CDH7: variants seen among roughly 807,000 people sequenced by gnomAD.
CDH7 encodes cadherin 7, also known as cadherin-7.
CDH7 carries 25 observed loss-of-function variants against 71.8 expected under a neutral mutation model. That is an observed-to-expected ratio of 0.35 (90% CI 0.25 to 0.49). The LOEUF is 0.49. CDH7 is among the 20% of genes least tolerant of loss of function. The pLI is 0.99. For missense variants in CDH7, 862 were observed against 974.6 expected, an observed-to-expected ratio of 0.88 and a Z score of 1.54; for synonymous variants, 381 against 363.8, an observed-to-expected ratio of 1.05 and a Z score of -0.54.
At chr18:65,812,331 T>C (rs1911574073) in intron 3 of CDH7, among the ~76,000 whole-genome samples, 1 of 152,140 alleles carries the variant, frequency 6.6e-6, no homozygotes, top group African/African-American at 2.4e-5. Context: ...GGAATTTTCT[T>C]AGAGAATTAT....
chr18:65,860,395 G>C (rs1009307350), intron 10 of CDH7, among the ~76,000 whole-genome samples: 1 of 151,870 alleles, frequency 6.6e-6, no homozygotes, highest in African/African-American at 2.4e-5. Flanking sequence ...CTGCTTCAAA[G>C]GTAAACACTC....
chr18:65,821,973 C>G (rs1378727996), intron 4 of CDH7, 108 bp from the exon 5 acceptor site: 1 of 796,664 alleles, frequency 1.3e-6, no homozygotes, highest in Admixed American at 2.4e-5. Flanking sequence ...GTAAACAAAA[C>G]AACAAAAGGC....
chr18:65,828,488 C>T (rs1294684032), intron 6 of CDH7, among the ~76,000 whole-genome samples: 2 of 151,996 alleles, frequency 1.3e-5, no homozygotes, highest in Non-Finnish European at 2.9e-5. Context: ...GCCTAGAGAT[C>T]TTGAACATTT....
Position 65,849,633 on chromosome 18 carries a change from G to A in CDH7, c.1235+5568G>A, listed in dbSNP as rs142209238. 7.0e-3 allele frequency among the ~76,000 whole-genome samples: 1,054 copies of A among 151,342 alleles called. 14 individuals carry two copies. The highest frequency in any genetic ancestry group is 0.034 in the East Asian group (170 of 5,014). On this transcript the variant is annotated intron_variant, in intron 7 of 11. Coordinates refer to ENST00000397968, the MANE Select transcript of CDH7 (RefSeq NM_004361.5). The stretch of plus-strand genomic sequence containing the variant: ...TCACCATGTTGGCCAGGCTTGCCTC[G>A]AACTCCTGACCTCAGGTGATCCATC...
chr18:65,801,201 T>A (rs1229657376), intron 2 of CDH7, among the ~76,000 whole-genome samples: 1 of 152,152 alleles, frequency 6.6e-6, no homozygotes, highest in African/African-American at 2.4e-5. Flanking sequence ...TAGTAGATAG[T>A]CCATAGTTAT....
At chr18:65,859,599 A>C (rs1328967191) in intron 9 of CDH7, 109 bp from the exon 10 acceptor site, 1 of 676,430 alleles carries the variant, frequency 1.5e-6, no homozygotes, top group Non-Finnish European at 2.7e-6. Flanking sequence ...TCCCTAGCTC[A>C]TTCAGGGAGA....
intron 2 of CDH7, among the ~76,000 whole-genome samples, chr18:65,788,104 G>A (rs1477440141): frequency 6.6e-6 from 1 of 151,994 alleles, no homozygotes; most frequent in African/African-American, 2.4e-5. Flanking sequence ...AACACACATT[G>A]AAAATAAGCT....
chr18:65,767,089 C>CT (rs35258266), intron 2 of CDH7, among the ~76,000 whole-genome samples: 8,136 of 139,780 alleles, frequency 0.058, 808 homozygotes, highest in African/African-American at 0.2. Flanking sequence ...ATCACTCTTT[C>CT]TTTCTTTTTT....
chr18:65,880,848 G>T lies in CDH7; in HGVS notation c.2312G>T (p.Arg771Leu). The change falls in exon 12 of 12, where the codon CGA (arginine) becomes CTA (leucine). Residue 771 changes from arginine (R) to leucine (L), a missense_variant. By Grantham distance (102) the Arg-to-Leu change is moderately radical (BLOSUM62 -2). Coordinates refer to ENST00000397968, the MANE Select transcript of CDH7 (RefSeq NM_004361.5). The part of the protein sequence containing the change: ...YLSDWGPRFK[R>L]LADMYGTGQE... ...AGTGACTGGGGACCTCGCTTTAAAC[G>T]ACTCGCGGACATGTATGGGACTGGC... The T allele has an allele frequency of 6.2e-7, 1 of 1,613,972 alleles. No individual in the cohort carries two copies. The highest frequency in any genetic ancestry group is 1.1e-5 in the South Asian group (1 of 91,050).
At chr18:65,798,013 A>G (rs778189487) in intron 2 of CDH7, among the ~76,000 whole-genome samples, 1 of 152,192 alleles carries the variant, frequency 6.6e-6, no homozygotes, top group Non-Finnish European at 1.5e-5. Context: ...TAGTCTGAAC[A>G]TCACAGCACT....
chr18:65,847,551 T>C (rs1912976445), intron 7 of CDH7, among the ~76,000 whole-genome samples: 2 of 152,174 alleles, frequency 1.3e-5, no homozygotes, highest in Admixed American at 1.3e-4. Flanking sequence ...TCCTACATGA[T>C]CCCTGCCTTG....
intron 2 of CDH7, among the ~76,000 whole-genome samples, chr18:65,788,010 A>G (rs1056472236): frequency 1.3e-5 from 2 of 152,192 alleles, no homozygotes; most frequent in African/African-American, 4.8e-5. Context: ...ATGTCTTAAA[A>G]TATTAGGCAA....
In CDH7 at chr18:65,887,706, T is replaced by C. The variant is rs533954608; in HGVS notation, c.*6812T>C. 6.6e-6 allele frequency: 1 copy of C among 152,224 alleles called. No homozygotes were observed. The highest frequency in any genetic ancestry group is 1.9e-4 in the East Asian group (1 of 5,172). The allele number at this position is 152,224 out of a possible 1,614,324, so 9.4% of individuals were successfully genotyped here. A position where few individuals can be genotyped will look rare whatever the true frequency, so the allele number is the denominator to read the frequency against. On this transcript the variant is annotated 3_prime_UTR_variant, in exon 12 of 12. Transcript: ENST00000397968. ...TAAATGACTTTTAAATATTTTCTTT[T>C]TAGCTTTTAAGATGTCTATTAGATC...
At chr18:65,779,407 T>C (rs1450366643) in intron 2 of CDH7, among the ~76,000 whole-genome samples, 3 of 112,590 alleles carry the variant, frequency 2.7e-5, no homozygotes, top group South Asian at 7.5e-4. Flanking sequence ...CACCCACTAA[T>C]GTGTCATCTA....
chr18:65,760,474 G>GT (rs1446176509), intron 1 of CDH7, among the ~76,000 whole-genome samples: 15 of 152,290 alleles, frequency 9.8e-5, no homozygotes. Context: ...CTGAAACAAT[G>GT]TTACCACATC....
At chr18:65,855,409 A>C (rs1913318950) in intron 7 of CDH7, among the ~76,000 whole-genome samples, 1 of 151,872 alleles carries the variant, frequency 6.6e-6, no homozygotes, top group African/African-American at 2.4e-5. Context: ...GATGTTACAC[A>C]CCCCGCAAAC....
At chr18:65,782,805 A>G (rs1248555770) in intron 2 of CDH7, among the ~76,000 whole-genome samples, 1 of 152,200 alleles carries the variant, frequency 6.6e-6, no homozygotes, top group Non-Finnish European at 1.5e-5. Context: ...TAATGCCTGG[A>G]AAAGCTCATT....
chr18:65,880,384 C>T lies in CDH7; in HGVS notation c.1865-17C>T. The T allele has an allele frequency of 6.6e-7, 1 of 1,518,574 alleles. No homozygotes were observed. Among genetic ancestry groups the T allele is most frequent in the Non-Finnish European group, 8.8e-7 (1 of 1,137,582 alleles). The allele number at this position is 1,518,574 out of a possible 1,614,324, so 94.1% of individuals were successfully genotyped here. A position where few individuals can be genotyped will look rare whatever the true frequency, so the allele number is the denominator to read the frequency against. The stretch of plus-strand genomic sequence containing the variant: ...GTGAGTTTACTGAAACTTTCTCTTC[C>T]TGTCTTATTGTTTCAGTGTTGATCC... On this transcript the variant is annotated splice_polypyrimidine_tract_variant and intron_variant, in intron 11 of 11. Transcript: ENST00000397968.
rs1000236743 is a variant in CDH7, at chr18:65,889,621, A to G, written c.*8727A>G. 2 of 152,228 alleles carry G rather than the reference A, an allele frequency of 1.3e-5. No individual in the cohort carries two copies. The highest frequency in any genetic ancestry group is 2.9e-5 in the Non-Finnish European group (2 of 68,042). The allele number at this position is 152,228 out of a possible 1,614,324, so 9.4% of individuals were successfully genotyped here. A position where few individuals can be genotyped will look rare whatever the true frequency, so the allele number is the denominator to read the frequency against. ...AAGCTTTGTGTAAAATACAGAATACAACACAAGGAATAATGAAAAGATGAT... is the reference window on the plus strand; with the variant it reads ...AAGCTTTGTGTAAAATACAGAATACGACACAAGGAATAATGAAAAGATGAT... On this transcript the variant is annotated 3_prime_UTR_variant, in exon 12 of 12. Transcript: ENST00000397968.
Sources: allele counts gnomAD v4.1 joint callset (sites outside exome capture counted in the v4.1 genomes callset), GRCh38; gene constraint gnomAD v4.1.1; transcripts MANE v1.5; gene names NCBI Gene and HGNC (gene_info 2026-07-23, HGNC 2026-07-21).